The following POLK variants were observed in gnomAD, a reference collection of about 807,000 sequenced individuals.
POLK encodes DNA polymerase kappa, also known as polymerase (DNA directed) kappa.
Under a neutral mutation model 94.0 loss-of-function variants are expected in POLK, and 76 were observed. The ratio of observed to expected loss-of-function variants is 0.81; its 90% CI spans 0.67 to 0.98. POLK has a LOEUF of 0.98. Among genes scored for constraint, POLK ranks in the 50% least tolerant of loss-of-function variants. The pLI is 0.00. For missense variants in POLK, 954 were observed against 1,010.1 expected (o/e 0.94, Z 0.75); for synonymous variants, 349 against 325.4 (o/e 1.07, Z -0.78).
chr5:75,605,128 C>CACACAT (rs1220201746), downstream of POLK, among the ~76,000 whole-genome samples: 14 of 149,492 alleles, frequency 9.4e-5, no homozygotes, highest in African/African-American at 3.4e-4. Flanking sequence ...TACACACACA[C>CACACAT]ACACACACAC....
downstream of POLK, among the ~76,000 whole-genome samples, chr5:75,603,427 C>CAAAAAAAAAAAAA (rs11350660): frequency 7.5e-6 from 1 of 133,878 alleles, no homozygotes; most frequent in Non-Finnish European, 1.7e-5. Context: ...ACTCTCATGT[C>CAAAAAAAAAAAAA]AAAAAAAAAA....
intron 12 of POLK, among the ~76,000 whole-genome samples, 162 bp downstream of exon 12, chr5:75,594,211 C>T (rs1452701909): frequency 6.6e-6 from 1 of 152,152 alleles, no homozygotes; most frequent in Non-Finnish European, 1.5e-5. Flanking sequence ...ACACTCTTGA[C>T]TTACAAGGTG....
chr5:75,546,901 A>G (rs1770050252), intron 1 of POLK, 109 bp from the exon 2 acceptor site: 1 of 472,134 alleles, frequency 2.1e-6, no homozygotes, highest in Non-Finnish European at 3.8e-6. Context: ...CCCTGAGCTC[A>G]GTCAATCTGC....
chr5:75,532,767 A>T (rs1235873727), intron 1 of POLK, among the ~76,000 whole-genome samples: 2 of 152,152 alleles, frequency 1.3e-5, no homozygotes, highest in African/African-American at 4.8e-5. Flanking sequence ...TTGATTTTTT[A>T]AAAATCACAA....
At chr5:75,563,550 C>G (rs896953197) in intron 3 of POLK, among the ~76,000 whole-genome samples, 1 of 152,128 alleles carries the variant, frequency 6.6e-6, no homozygotes, top group Non-Finnish European at 1.5e-5. Context: ...ATAAATTTAC[C>G]TCTAAACACT....
rs558171980 is a variant in POLK, at chr5:75,537,917, C to T, written c.-13-9093C>T. Among the ~76,000 whole-genome samples, 121 of 151,784 alleles carry T rather than the reference C, an allele frequency of 8.0e-4. 1 individual carries two copies. Among genetic ancestry groups the T allele is most frequent in the African/African-American group, 2.7e-3 (110 of 41,378 alleles). On this transcript the variant is annotated intron_variant, in intron 1 of 14. Coordinates refer to ENST00000241436, the Ensembl canonical transcript of POLK. ...TGTCGCCCAGGTTGGAGTGCACTGG[C>T]GCAATCTCGGCTCACTGCAAGCTCT...
At chr5:75,542,284 G>A (rs534010672) in intron 1 of POLK, among the ~76,000 whole-genome samples, 28 of 152,034 alleles carry the variant, frequency 1.8e-4, no homozygotes, top group Admixed American at 1.2e-3. Context: ...TTAGCCTTTC[G>A]TATTCATACT....
chr5:75,511,706 C>T, upstream of POLK: 1 of 1,544,268 alleles, frequency 6.5e-7, no homozygotes, highest in African/African-American at 1.4e-5. Flanking sequence ...CGTCCCCCTC[C>T]CGGCGTCTGA....
intron 4 of POLK, among the ~76,000 whole-genome samples, chr5:75,571,481 A>T (rs1450341627): frequency 6.6e-6 from 1 of 152,166 alleles, no homozygotes; most frequent in Non-Finnish European, 1.5e-5. Context: ...TGCGATGGCG[A>T]TGGCTCAACC....
At chr5:75,584,717 TC>T (rs1772372555) in intron 8 of POLK, 42 bp from the exon 9 acceptor site, 1 of 1,157,904 alleles carries the variant, frequency 8.6e-7, no homozygotes, top group East Asian at 2.7e-5. Flanking sequence ...ATTTTTAGCT[TC>T]ACTTTAAAAT....
At chr5:75,546,260 A>G (rs1046820171) in intron 1 of POLK, among the ~76,000 whole-genome samples, 1 of 152,222 alleles carries the variant, frequency 6.6e-6, no homozygotes, top group African/African-American at 2.4e-5. Context: ...GGAAAATGTT[A>G]TTAAGAAAAT....
intron 1 of POLK, among the ~76,000 whole-genome samples, chr5:75,526,587 TC>T (rs1196051714): frequency 2.7e-4 from 39 of 147,062 alleles, no homozygotes; most frequent in African/African-American, 8.7e-4. Context: ...TTTTTTTTTT[TC>T]TTTTTTTTTT....
chr5:75,516,263 C>T (rs1768318116), intron 1 of POLK, among the ~76,000 whole-genome samples: 1 of 152,066 alleles, frequency 6.6e-6, no homozygotes, highest in South Asian at 2.1e-4. Context: ...CTTTGGTTGT[C>T]AGTGCTTTTG....
intron 1 of POLK, among the ~76,000 whole-genome samples, chr5:75,542,668 C>G (rs866930107): frequency 7.0e-6 from 1 of 142,448 alleles, no homozygotes; most frequent in East Asian, 2.0e-4. Flanking sequence ...TATATATACA[C>G]ATATATACAT....
At chr5:75,583,327 C>T in exon 8 of POLK, 1 of 1,602,504 alleles carries the variant, frequency 6.2e-7, no homozygotes, top group Non-Finnish European at 8.5e-7. Context: ...CAAAAGTATG[C>T]AGTGATAAGA....
chr5:75,568,014 A>G (rs1581039901), intron 3 of POLK, among the ~76,000 whole-genome samples: 1 of 152,292 alleles, frequency 6.6e-6, no homozygotes, highest in East Asian at 1.9e-4. Flanking sequence ...AGAAGGAAGG[A>G]CATAAAAAAA....
intron 1 of POLK, among the ~76,000 whole-genome samples, chr5:75,539,622 C>T (rs943354183): frequency 1.3e-5 from 2 of 150,624 alleles, no homozygotes; most frequent in Non-Finnish European, 2.9e-5. Flanking sequence ...CAGCCTCCCA[C>T]GTTTAATTTT....
At chr5:75,526,742 C>T (rs1206791188) in intron 1 of POLK, among the ~76,000 whole-genome samples, 3 of 151,782 alleles carry the variant, frequency 2.0e-5, no homozygotes, top group South Asian at 2.1e-4. Context: ...CCACCACAAC[C>T]GGCTAATTTT....
downstream of POLK, among the ~76,000 whole-genome samples, chr5:75,605,415 T>C (rs184424370): frequency 3.4e-4 from 51 of 152,228 alleles, no homozygotes; most frequent in East Asian, 8.7e-3. Context: ...ATTCCCTAAA[T>C]TGGAGACAAA....
Sources: allele counts gnomAD v4.1 joint callset (sites outside exome capture counted in the v4.1 genomes callset), GRCh38; gene constraint gnomAD v4.1.1; transcripts MANE v1.5; gene names NCBI Gene and HGNC (gene_info 2026-07-23, HGNC 2026-07-21).